The following SLC8A1 variants were observed in gnomAD, a reference collection of about 807,000 sequenced individuals.
SLC8A1 encodes the protein solute carrier family 8 member A1.
A neutral mutation model predicts 68.3 loss-of-function variants in SLC8A1; 18 were observed. The ratio of observed to expected loss-of-function variants is 0.26; its 90% CI spans 0.18 to 0.39. The LOEUF (loss-of-function observed/expected upper bound fraction) is 0.39. SLC8A1 is among the 10% of genes least tolerant of loss of function. The pLI is 1.00. For synonymous variants in SLC8A1, 475 were observed against 415.5 expected, an observed-to-expected ratio of 1.14 and a Z score of -1.74; for missense variants, 985 against 1,156.7, an observed-to-expected ratio of 0.85 and a Z score of 2.15.
intron 2 of SLC8A1, among the ~76,000 whole-genome samples, chr2:40,400,507 C>A (rs143094317): frequency 6.6e-5 from 10 of 152,292 alleles, no homozygotes; most frequent in African/African-American, 2.4e-4. Context: ...CTAGACTCTT[C>A]TTTTCTAATC....
chr2:40,155,677 G>A (rs1270564531), intron 6 of SLC8A1, among the ~76,000 whole-genome samples: 1 of 152,184 alleles, frequency 6.6e-6, no homozygotes, highest in Non-Finnish European at 1.5e-5. Flanking sequence ...GGGGACCACT[G>A]AGTTGACAGT....
intron 2 of SLC8A1, among the ~76,000 whole-genome samples, chr2:40,210,177 T>C (rs964282128): frequency 1.3e-5 from 2 of 152,174 alleles, no homozygotes; most frequent in East Asian, 1.9e-4. Context: ...GGAAAACATA[T>C]ACAGTACCTA....
intron 2 of SLC8A1, among the ~76,000 whole-genome samples, chr2:40,337,106 T>C (rs1666209515): frequency 6.6e-6 from 1 of 152,184 alleles, no homozygotes; most frequent in African/African-American, 2.4e-5. Flanking sequence ...TCTTTTTACA[T>C]ATAAGCATGA....
intron 2 of SLC8A1, among the ~76,000 whole-genome samples, chr2:40,422,532 A>T (rs559558143): frequency 3.5e-4 from 54 of 152,286 alleles, no homozygotes; most frequent in African/African-American, 1.3e-3. Flanking sequence ...GAAAGAAAGC[A>T]AAGAAAACCT....
chr2:40,313,582 T>G (rs1438513872), intron 2 of SLC8A1, among the ~76,000 whole-genome samples: 2 of 152,088 alleles, frequency 1.3e-5, no homozygotes, highest in Admixed American at 1.3e-4. Flanking sequence ...CAATTTTTTT[T>G]TAATGAGACA....
At chr2:40,355,615 C>T (rs965787290) in intron 2 of SLC8A1, among the ~76,000 whole-genome samples, 13 of 152,162 alleles carry the variant, frequency 8.5e-5, no homozygotes, top group African/African-American at 2.9e-4. Context: ...CTGATTACCA[C>T]ACACTGACCC....
At chr2:40,488,525 G>T (rs1043733662) in intron 1 of SLC8A1, among the ~76,000 whole-genome samples, 48 of 152,012 alleles carry the variant, frequency 3.2e-4, no homozygotes, top group African/African-American at 1.0e-3. Flanking sequence ...AAATGAACAT[G>T]TTCCCTTTTA....
At chr2:40,465,149 G>T (rs1703591594) in intron 1 of SLC8A1, among the ~76,000 whole-genome samples, 1 of 152,152 alleles carries the variant, frequency 6.6e-6, no homozygotes, top group African/African-American at 2.4e-5. Context: ...TTTTATGGTT[G>T]TCATGATAAT....
intron 3 of SLC8A1, among the ~76,000 whole-genome samples, chr2:40,175,537 C>G (rs1475512333): frequency 6.6e-6 from 1 of 151,504 alleles, no homozygotes; most frequent in South Asian, 2.1e-4. Flanking sequence ...TGTATTTCAC[C>G]TTATATATAA....
At chr2:40,368,739 C>T (rs1455227376) in intron 2 of SLC8A1, among the ~76,000 whole-genome samples, 1 of 151,878 alleles carries the variant, frequency 6.6e-6, no homozygotes, top group African/African-American at 2.4e-5. Context: ...TCCTCTCTTT[C>T]CTCCCGCCCA....
chr2:40,403,748 C>A (rs1332836148), intron 2 of SLC8A1, among the ~76,000 whole-genome samples: 1 of 152,122 alleles, frequency 6.6e-6, no homozygotes, highest in South Asian at 2.1e-4. Flanking sequence ...TCATAAGGTA[C>A]AGAACCTATT....
intron 7 of SLC8A1, among the ~76,000 whole-genome samples, chr2:40,124,163 T>C (rs1305615284): frequency 6.6e-6 from 1 of 152,100 alleles, no homozygotes; most frequent in Non-Finnish European, 1.5e-5. Context: ...TGAAGAGAAA[T>C]AAAAAGAAAA....
intron 2 of SLC8A1, among the ~76,000 whole-genome samples, chr2:40,274,945 A>G (rs1014376704): frequency 6.6e-6 from 1 of 152,214 alleles, no homozygotes; most frequent in Non-Finnish European, 1.5e-5. Flanking sequence ...TTATAATGGC[A>G]CAGACTGCCC....
chr2:40,273,413 T>A (rs919697532), intron 2 of SLC8A1, among the ~76,000 whole-genome samples: 41 of 152,060 alleles, frequency 2.7e-4, no homozygotes, highest in African/African-American at 9.7e-4. Context: ...TTAATAAACT[T>A]TAATAAACTA....
intron 1 of SLC8A1, among the ~76,000 whole-genome samples, chr2:40,505,775 G>A (rs987588103): frequency 4.6e-5 from 7 of 151,958 alleles, no homozygotes; most frequent in African/African-American, 1.7e-4. Flanking sequence ...GATGTCAACG[G>A]AGCTTAAATA....
At chr2:40,327,153 G>A (rs2075915442) in intron 2 of SLC8A1, among the ~76,000 whole-genome samples, 1 of 152,048 alleles carries the variant, frequency 6.6e-6, no homozygotes, top group Non-Finnish European at 1.5e-5. Context: ...TTATACATTT[G>A]AAACCTATAA....
At chr2:40,140,410 C>T (rs1238317035) in intron 6 of SLC8A1, among the ~76,000 whole-genome samples, 3 of 152,190 alleles carry the variant, frequency 2.0e-5, no homozygotes, top group Non-Finnish European at 4.4e-5. Context: ...ACTCTCTGAC[C>T]TCCCCCCAAA....
chr2:40,272,347 TGAAGGGAGATAA>T (rs2066149612), intron 2 of SLC8A1, among the ~76,000 whole-genome samples: 2 of 152,164 alleles, frequency 1.3e-5, no homozygotes, highest in African/African-American at 2.4e-5. Context: ...GGCCATTATG[TGAAGGGAGATAA>T]GGAGGGAGAA....
chr2:40,447,295 A>C (rs1369111240), intron 1 of SLC8A1, among the ~76,000 whole-genome samples: 1 of 152,170 alleles, frequency 6.6e-6, no homozygotes, highest in African/African-American at 2.4e-5. Flanking sequence ...TCCTCAGAGG[A>C]CTTAAATGGC....
Sources: allele counts gnomAD v4.1 joint callset (sites outside exome capture counted in the v4.1 genomes callset), GRCh38; gene constraint gnomAD v4.1.1; transcripts MANE v1.5; gene names NCBI Gene and HGNC (gene_info 2026-07-23, HGNC 2026-07-21).